Variants in NRG3 observed in about 807,000 individuals in gnomAD.
NRG3 encodes the protein pro-neuregulin-3, membrane-bound isoform.
NRG3 carries 31 observed loss-of-function variants against 66.9 expected under a neutral mutation model. That is an observed-to-expected ratio of 0.46 (90% CI 0.35 to 0.63). The LOEUF is 0.63. NRG3 is among the 20% of genes least tolerant of loss of function. The pLI, the probability that NRG3 is intolerant of heterozygous loss-of-function variation, is 0.00. For synonymous variants in NRG3, 393 were observed against 359.4 expected, an observed-to-expected ratio of 1.09 and a Z score of -1.06; for missense variants, 910 against 878.9, an observed-to-expected ratio of 1.04 and a Z score of -0.45.
At chr10:82,236,442 T>C (rs2076754813) in intron 1 of NRG3, among the ~76,000 whole-genome samples, 1 of 152,164 alleles carries the variant, frequency 6.6e-6, no homozygotes, top group African/African-American at 2.4e-5. Flanking sequence ...AATTTCCTGC[T>C]CCCCGTGATT....
intron 1 of NRG3, among the ~76,000 whole-genome samples, chr10:82,312,439 A>T (rs562903238): frequency 6.6e-6 from 1 of 152,342 alleles, no homozygotes; most frequent in East Asian, 1.9e-4. Context: ...CAAGCAGGAG[A>T]TAAAGATTTG....
chr10:82,720,659 G>A (rs1399759755), intron 2 of NRG3, among the ~76,000 whole-genome samples: 2 of 151,766 alleles, frequency 1.3e-5, no homozygotes, highest in Non-Finnish European at 2.9e-5. Context: ...CCTTTGTAAT[G>A]CTCTCAGCAC....
chr10:82,160,067 T>C (rs2071471805), intron 1 of NRG3, among the ~76,000 whole-genome samples: 1 of 151,962 alleles, frequency 6.6e-6, no homozygotes, highest in African/African-American at 2.4e-5. Flanking sequence ...TTTACTGAGC[T>C]CACATAGCCT....
chr10:82,511,823 G>T (rs1845194855), intron 2 of NRG3, among the ~76,000 whole-genome samples: 1 of 151,484 alleles, frequency 6.6e-6, no homozygotes, highest in Non-Finnish European at 1.5e-5. Flanking sequence ...AGACACCTCA[G>T]CTTCTCTCGT....
intron 3 of NRG3, among the ~76,000 whole-genome samples, chr10:82,821,545 G>C (rs1193737164): frequency 6.6e-6 from 1 of 150,982 alleles, no homozygotes; most frequent in Non-Finnish European, 1.5e-5. Context: ...TCTGAGACTT[G>C]CTGAATCAGA....
chr10:82,392,970 G>A (rs1365903543), intron 2 of NRG3, among the ~76,000 whole-genome samples: 2 of 151,766 alleles, frequency 1.3e-5, no homozygotes, highest in African/African-American at 2.4e-5. Flanking sequence ...TAAGAAAGTT[G>A]TTTGTTGAAG....
intron 2 of NRG3, among the ~76,000 whole-genome samples, chr10:82,453,543 G>C (rs1314770198): frequency 1.3e-5 from 2 of 152,076 alleles, no homozygotes; most frequent in African/African-American, 2.4e-5. Flanking sequence ...CCTAAACTAA[G>C]CATCACACAA....
rs2063913828 is a variant in NRG3 at position 82,057,648 on chromosome 10, A to G, written c.823+181485A>G. On this transcript the variant is annotated intron_variant, in intron 1 of 8. Coordinates refer to ENST00000372141, the MANE Select transcript of NRG3 (RefSeq NM_001010848.4). ...GTTTGGGTGGGGAGTGGACAAGGGT[A>G]TGATAAATTTTGTTTCAAACATGAG... Among the ~76,000 whole-genome samples, 4 of 152,048 alleles carry G rather than the reference A, an allele frequency of 2.6e-5. No homozygotes were observed. The South Asian group carries it at 8.3e-4, about 31-fold the overall frequency.
intron 2 of NRG3, among the ~76,000 whole-genome samples, chr10:82,716,852 A>G (rs2057002686): frequency 6.6e-6 from 1 of 152,246 alleles, no homozygotes; most frequent in African/African-American, 2.4e-5. Context: ...TCCAAAATAA[A>G]TTATCCTGTA....
chr10:82,981,439 C>T (rs1852886828), intron 8 of NRG3, among the ~76,000 whole-genome samples: 1 of 152,170 alleles, frequency 6.6e-6, no homozygotes, highest in Non-Finnish European at 1.5e-5. Flanking sequence ...ATTTTCCACT[C>T]CCTGGGGACT....
chr10:82,268,030 T>C (rs1483709185), intron 1 of NRG3, among the ~76,000 whole-genome samples: 1 of 152,204 alleles, frequency 6.6e-6, no homozygotes, highest in East Asian at 1.9e-4. Context: ...AACTGTTACA[T>C]GAATATCACT....
intron 1 of NRG3, among the ~76,000 whole-genome samples, chr10:82,108,495 C>T (rs2067198803): frequency 6.6e-6 from 1 of 152,166 alleles, no homozygotes; most frequent in Non-Finnish European, 1.5e-5. Context: ...CTCTGCTACC[C>T]TTCACTTCCT....
intron 1 of NRG3, among the ~76,000 whole-genome samples, chr10:82,103,080 T>C (rs1253870453): frequency 6.6e-6 from 1 of 152,160 alleles, no homozygotes; most frequent in Non-Finnish European, 1.5e-5. Flanking sequence ...CTTTATTTTA[T>C]CTTCCTTCTT....
intron 1 of NRG3, among the ~76,000 whole-genome samples, chr10:82,123,877 C>T (rs1171103255): frequency 2.0e-5 from 3 of 150,232 alleles, no homozygotes; most frequent in African/African-American, 7.3e-5. Flanking sequence ...TTAGTTTCTT[C>T]CTTGCTTTGC....
intron 2 of NRG3, among the ~76,000 whole-genome samples, chr10:82,564,841 T>C (rs937674894): frequency 3.3e-5 from 5 of 152,160 alleles, no homozygotes; most frequent in African/African-American, 1.2e-4. Context: ...TCAGCAGGAA[T>C]ACTCTTTGTA....
intron 1 of NRG3, among the ~76,000 whole-genome samples, chr10:82,102,523 T>G (rs114094819): frequency 0.027 from 4,142 of 151,742 alleles, 195 homozygotes; most frequent in African/African-American, 0.096. Flanking sequence ...CCCTCCATTT[T>G]TGTTCCAGTG....
chr10:82,403,317 A>G (rs766987798), intron 2 of NRG3, among the ~76,000 whole-genome samples: 3 of 152,292 alleles, frequency 2.0e-5, no homozygotes, highest in Non-Finnish European at 4.4e-5. Context: ...TCTTGTCTTC[A>G]GCAGCAAAAA....
intron 2 of NRG3, among the ~76,000 whole-genome samples, chr10:82,664,835 G>T (rs536131658): frequency 2.6e-5 from 4 of 152,058 alleles, no homozygotes; most frequent in Non-Finnish European, 5.9e-5. Flanking sequence ...CATTAGTGAG[G>T]CCAGAAATCA....
intron 2 of NRG3, among the ~76,000 whole-genome samples, chr10:82,492,703 C>T (rs1031152781): frequency 5.3e-5 from 8 of 152,104 alleles, no homozygotes; most frequent in African/African-American, 1.4e-4. Flanking sequence ...TGGGCAGAGA[C>T]GAATAGCAAA....
Sources: gnomAD v4.1 joint callset for allele counts (sites outside exome capture counted in the v4.1 genomes callset) on GRCh38, gnomAD v4.1.1 for gene constraint, MANE v1.5 for transcripts, NCBI Gene and HGNC (gene_info 2026-07-23, HGNC 2026-07-21) for gene names.